The following ADCK1 variants were observed in gnomAD, a reference collection of about 807,000 sequenced individuals.
The protein encoded by ADCK1 is aarF domain-containing protein kinase 1.
ADCK1 carries 41 observed loss-of-function variants against 52.3 expected under a neutral mutation model. The ratio of observed to expected loss-of-function variants is 0.78; its 90% CI spans 0.61 to 1.02. The LOEUF (loss-of-function observed/expected upper bound fraction) is 1.02, where lower values mean the gene tolerates loss of function less well. Among genes scored for constraint, ADCK1 ranks in the 50% least tolerant of loss-of-function variants. The pLI, the probability that ADCK1 is intolerant of heterozygous loss-of-function variation, is 0.00. For synonymous variants in ADCK1, 250 were observed against 274.6 expected, an observed-to-expected ratio of 0.91 and a Z score of 0.89; for missense variants, 658 against 679.5, an observed-to-expected ratio of 0.97 and a Z score of 0.35.
chr14:77,906,279 C>T (rs1003630024), intron 6 of ADCK1, among the ~76,000 whole-genome samples: 1 of 152,218 alleles, frequency 6.6e-6, no homozygotes, highest in African/African-American at 2.4e-5. Flanking sequence ...TTTGAAAAAG[C>T]TGCCCATGTT....
chr14:77,838,918 G>C (rs2082012159), intron 3 of ADCK1, among the ~76,000 whole-genome samples: 1 of 152,220 alleles, frequency 6.6e-6, no homozygotes, highest in Non-Finnish European at 1.5e-5. Context: ...GGGAGGACAA[G>C]AGGTAATTCA....
At chr14:77,905,333 A>C (rs1358262488) in intron 6 of ADCK1, among the ~76,000 whole-genome samples, 1 of 72,566 alleles carries the variant, frequency 1.4e-5, no homozygotes, top group East Asian at 2.3e-4. Flanking sequence ...TTGAGATGGA[A>C]TCTCACTCCC....
chr14:77,858,932 G>GTT, intron 3 of ADCK1, 144 bp from the exon 4 acceptor site: 1 of 689,326 alleles, frequency 1.5e-6, no homozygotes, highest in Non-Finnish European at 2.4e-6. Flanking sequence ...GAAAAGGTGT[G>GTT]TGTGTGTGCG....
intron 2 of ADCK1, among the ~76,000 whole-genome samples, chr14:77,821,495 G>A (rs1403599610): frequency 3.9e-5 from 6 of 152,100 alleles, no homozygotes; most frequent in East Asian, 1.9e-4. Context: ...AAGGTTTGGG[G>A]TAGATAATCC....
chr14:77,883,705 G>A (rs544059174), intron 4 of ADCK1, among the ~76,000 whole-genome samples: 2 of 152,118 alleles, frequency 1.3e-5, no homozygotes, highest in Non-Finnish European at 1.5e-5. Context: ...CTGGGGAGGT[G>A]GTGGGGTGGG....
intron 5 of ADCK1, among the ~76,000 whole-genome samples, chr14:77,893,737 C>CTTCCTTCCTTTCTTTTTT (rs35559156): frequency 2.0e-5 from 1 of 50,354 alleles, no homozygotes. Context: ...TCCTTCCTTC[C>CTTCCTTCCTTTCTTTTTT]TTTTTTTTTT....
At chr14:77,873,529 G>C (rs917134867) in intron 4 of ADCK1, among the ~76,000 whole-genome samples, 7 of 152,234 alleles carry the variant, frequency 4.6e-5, no homozygotes, top group African/African-American at 1.7e-4. Flanking sequence ...CTGGACTTGA[G>C]TATGTACTTG....
chr14:77,810,554 G>A (rs1268025546), intron 1 of ADCK1, among the ~76,000 whole-genome samples: 11 of 143,962 alleles, frequency 7.6e-5, no homozygotes, highest in Non-Finnish European at 1.4e-4. Flanking sequence ...TTTTTGAGAC[G>A]GAGTCTCGCT....
At chr14:77,884,406 G>C (rs2083102119) in intron 4 of ADCK1, among the ~76,000 whole-genome samples, 1 of 152,136 alleles carries the variant, frequency 6.6e-6, no homozygotes, top group Non-Finnish European at 1.5e-5. Context: ...CCATTCCTGG[G>C]TCCCTGTCCC....
chr14:77,897,328 A>C (rs2083432380), intron 5 of ADCK1, among the ~76,000 whole-genome samples: 1 of 151,988 alleles, frequency 6.6e-6, no homozygotes, highest in South Asian at 2.1e-4. Flanking sequence ...ATTCTGGAAC[A>C]CCTCCTATGT....
At chr14:77,849,009 T>C (rs967219566) in intron 3 of ADCK1, among the ~76,000 whole-genome samples, 2 of 152,094 alleles carry the variant, frequency 1.3e-5, no homozygotes, top group African/African-American at 2.4e-5. Context: ...TTTGTATTTT[T>C]AGTAGAGACG....
chr14:77,829,208 C>A (rs933263420), intron 3 of ADCK1, among the ~76,000 whole-genome samples: 2 of 151,168 alleles, frequency 1.3e-5, no homozygotes, highest in African/African-American at 4.8e-5. Context: ...TGCTTCTAGG[C>A]CCTTCTAGGA....
intron 3 of ADCK1, among the ~76,000 whole-genome samples, chr14:77,828,314 TC>T (rs2081764911): frequency 6.6e-6 from 1 of 152,210 alleles, no homozygotes; most frequent in Admixed American, 6.5e-5. Context: ...TTGCCCCTGT[TC>T]CGTTTATAAG....
At chr14:77,809,242 T>C (rs1227694341) in intron 1 of ADCK1, among the ~76,000 whole-genome samples, 1 of 152,116 alleles carries the variant, frequency 6.6e-6, no homozygotes, top group Non-Finnish European at 1.5e-5. Context: ...TTAGATGGGA[T>C]GTGGAGAAGT....
chr14:77,841,477 A>C (rs1308947998), intron 3 of ADCK1, among the ~76,000 whole-genome samples: 1 of 151,936 alleles, frequency 6.6e-6, no homozygotes, highest in African/African-American at 2.4e-5. Flanking sequence ...TTTCAAATGT[A>C]ATTAAAAAGT....
intron 5 of ADCK1, among the ~76,000 whole-genome samples, chr14:77,893,309 A>G (rs2083321918): frequency 6.6e-6 from 1 of 151,972 alleles, no homozygotes; most frequent in African/African-American, 2.4e-5. Flanking sequence ...TTCTACCCAC[A>G]ATATTGGGGA....
intron 6 of ADCK1, among the ~76,000 whole-genome samples, chr14:77,900,086 G>GGAAA (rs2083499755): frequency 7.0e-6 from 1 of 142,500 alleles, no homozygotes; most frequent in African/African-American, 2.6e-5. Flanking sequence ...AAAAAAAAAA[G>GGAAA]AAAATTCATC....
chr14:77,932,470 C>T (rs1184421337), intron 10 of ADCK1, among the ~76,000 whole-genome samples: 1 of 152,088 alleles, frequency 6.6e-6, no homozygotes, highest in Non-Finnish European at 1.5e-5. Flanking sequence ...GTGACAAATA[C>T]GTCGGAAGGG....
At chr14:77,886,509 C>A (rs1219990962) in intron 4 of ADCK1, among the ~76,000 whole-genome samples, 1 of 152,190 alleles carries the variant, frequency 6.6e-6, no homozygotes, top group East Asian at 1.9e-4. Flanking sequence ...GGCCCGTGCA[C>A]AGGTATGAGG....
Sources: allele counts gnomAD v4.1 joint callset (sites outside exome capture counted in the v4.1 genomes callset), GRCh38; gene constraint gnomAD v4.1.1; transcripts MANE v1.5; gene names NCBI Gene and HGNC (gene_info 2026-07-23, HGNC 2026-07-21).